DCAF10: variants seen among roughly 807,000 people sequenced by gnomAD.
The protein encoded by DCAF10 is DDB1- and CUL4-associated factor 10.
DCAF10 carries 19 observed loss-of-function variants against 51.9 expected under a neutral mutation model. The ratio of observed to expected loss-of-function variants is 0.37; its 90% CI spans 0.26 to 0.54. The LOEUF (loss-of-function observed/expected upper bound fraction) is 0.54, where lower values mean the gene tolerates loss of function less well. Among genes scored for constraint, DCAF10 ranks in the 20% least tolerant of loss-of-function variants. The pLI, the probability that DCAF10 is intolerant of heterozygous loss-of-function variation, is 0.87. For synonymous variants in DCAF10, 291 were observed against 297.1 expected, an observed-to-expected ratio of 0.98 and a Z score of 0.21; for missense variants, 510 against 730.6, an observed-to-expected ratio of 0.70 and a Z score of 3.48.
chr9:37,855,338 C>G (rs1338573893), intron 4 of DCAF10, among the ~76,000 whole-genome samples: 3 of 152,180 alleles, frequency 2.0e-5, no homozygotes, highest in African/African-American at 7.2e-5. Flanking sequence ...CTTCTGGAAT[C>G]AAGCAGAGCT....
chr9:37,836,151 C>G, intron 2 of DCAF10: 5 of 1,382,404 alleles, frequency 3.6e-6, no homozygotes, highest in Non-Finnish European at 5.2e-6. Flanking sequence ...GCGATTTACT[C>G]TTCTCATATC....
At chr9:37,850,837 T>TATATATAC (rs1830619194) in intron 3 of DCAF10, among the ~76,000 whole-genome samples, 1 of 14,112 alleles carries the variant, frequency 7.1e-5, no homozygotes, top group Non-Finnish European at 1.5e-4. Flanking sequence ...TATATATATA[T>TATATATAC]ATATATATAT....
chr9:37,841,219 G>A (rs932242946), intron 2 of DCAF10, among the ~76,000 whole-genome samples: 1 of 152,184 alleles, frequency 6.6e-6, no homozygotes, highest in African/African-American at 2.4e-5. Flanking sequence ...TTTGAAAACC[G>A]TGATCAATTT....
At chr9:37,854,124 G>GTTTTTTTTTT in intron 3 of DCAF10, among the ~76,000 whole-genome samples, 1 of 151,256 alleles carries the variant, frequency 6.6e-6, no homozygotes. Context: ...TAGAGACAGG[G>GTTTTTTTTTT]TCTGTCTGTC....
chr9:37,830,929 C>T (rs1470027849), intron 2 of DCAF10, among the ~76,000 whole-genome samples: 1 of 152,122 alleles, frequency 6.6e-6, no homozygotes, highest in African/African-American at 2.4e-5. Flanking sequence ...GTATACATAA[C>T]TTAAGAGTTT....
At chr9:37,839,159 A>G (rs2118020018) in intron 2 of DCAF10, among the ~76,000 whole-genome samples, 1 of 152,004 alleles carries the variant, frequency 6.6e-6, no homozygotes, top group South Asian at 2.1e-4. Flanking sequence ...GGTTCAAGCA[A>G]TTCTCTGCCT....
At chr9:37,823,997 C>T (rs1039688215) in intron 2 of DCAF10, among the ~76,000 whole-genome samples, 1 of 151,452 alleles carries the variant, frequency 6.6e-6, no homozygotes, top group Admixed American at 6.6e-5. Context: ...TCTTGTGCCT[C>T]AGCCTCCCGA....
intron 2 of DCAF10, among the ~76,000 whole-genome samples, chr9:37,819,995 A>G (rs1311318545): frequency 7.0e-6 from 1 of 143,732 alleles, no homozygotes; most frequent in African/African-American, 2.7e-5. Context: ...AATTATACAA[A>G]TAGATGATAC....
At chr9:37,825,827 T>C (rs940109932) in intron 2 of DCAF10, among the ~76,000 whole-genome samples, 24 of 152,072 alleles carry the variant, frequency 1.6e-4, no homozygotes, top group Non-Finnish European at 2.4e-4. Context: ...GAGACCAGCC[T>C]GGCCAACATA....
intron 5 of DCAF10, among the ~76,000 whole-genome samples, 176 bp from the exon 6 acceptor site, chr9:37,859,872 G>A (rs1303623379): frequency 2.0e-5 from 3 of 151,964 alleles, no homozygotes; most frequent in Admixed American, 1.3e-4. Flanking sequence ...CCTTCACCCC[G>A]CCAAAACTCA....
rs1828902198 is a variant in DCAF10 at position 37,800,912 on chromosome 9, G to A, written c.46G>A (p.Gly16Arg). 5.3e-6 allele frequency: 8 copies of A among 1,496,166 alleles called. No individual in the cohort carries two copies. Among genetic ancestry groups the A allele is most frequent in the Non-Finnish European group, 7.1e-6 (8 of 1,130,336 alleles). The allele number at this position is 1,496,166 out of a possible 1,614,324, so 92.7% of individuals were successfully genotyped here. A position where few individuals can be genotyped will look rare whatever the true frequency, so the allele number is the denominator to read the frequency against. The change falls in exon 1 of 7, where the codon GGA becomes AGA. Residue 16 changes from glycine to arginine, a missense_variant. Transcript: ENST00000377724. Reference sequence around the variant, plus strand: ...TAGCCCTGGAGGGGACGGATCGGCCGGAGCCGGGGCTGAGGAGCCGACGCC... The same window carrying A: ...TAGCCCTGGAGGGGACGGATCGGCCAGAGCCGGGGCTGAGGAGCCGACGCC... ...PHSPGGDGSA[G>R]AGAEEPTPHE...
intron 2 of DCAF10, among the ~76,000 whole-genome samples, chr9:37,827,983 A>G (rs1829901134): frequency 6.6e-6 from 1 of 152,000 alleles, no homozygotes; most frequent in South Asian, 2.1e-4. Flanking sequence ...ATCATAGCTC[A>G]AGGGATTTTC....
rs1831150660 is a variant in DCAF10 at position 37,867,030 on chromosome 9, A to G, written c.*5522A>G. ...TTTTGTCTCATTATAAAATAAGATT[A>G]TATGAAATTTATATTCTAGAAATGA... On this transcript the variant is annotated 3_prime_UTR_variant, in exon 7 of 7. Transcript: ENST00000377724. 6.6e-6 allele frequency: 1 copy of G among 152,222 alleles called. No individual in the cohort carries two copies. The highest frequency in any genetic ancestry group is 1.5e-5 in the Non-Finnish European group (1 of 68,040). 9.4% of individuals were successfully genotyped at this position (152,222 alleles called of 1,614,324 possible). A position where few individuals can be genotyped will look rare whatever the true frequency, so the allele number is the denominator to read the frequency against.
intron 5 of DCAF10, among the ~76,000 whole-genome samples, chr9:37,859,357 C>T (rs575399540): frequency 2.6e-5 from 4 of 152,128 alleles, no homozygotes; most frequent in East Asian, 1.9e-4. Flanking sequence ...TGGTTTTTCA[C>T]GCACCTGAAG....
intron 4 of DCAF10, 98 bp downstream of exon 4, chr9:37,855,080 A>G: frequency 8.3e-7 from 1 of 1,204,480 alleles, no homozygotes; most frequent in Non-Finnish European, 1.2e-6. Flanking sequence ...AGGAAAAGGG[A>G]AGACAGTTTT....
intron 1 of DCAF10, among the ~76,000 whole-genome samples, chr9:37,807,829 A>G (rs1829168754): frequency 6.6e-6 from 1 of 151,680 alleles, no homozygotes; most frequent in Non-Finnish European, 1.5e-5. Flanking sequence ...CGCTCGGCTA[A>G]TTTTGTATTT....
chr9:37,801,567 C>A lies in DCAF10; in HGVS notation c.539+162C>A. 1.1e-6 allele frequency: 1 copy of A among 897,664 alleles called. No individual in the cohort carries two copies. The highest frequency in any genetic ancestry group is 1.5e-6 in the Non-Finnish European group (1 of 658,670). 55.6% of individuals were successfully genotyped at this position (897,664 alleles called of 1,614,324 possible). ...TGGCACTTTCTGAAGCGCATTCTCG[C>A]CCTTGGAATCCCCAGCCCAGCTTTT... On this transcript the variant is annotated intron_variant, in intron 1 of 6. Transcript: ENST00000377724. This position sits in a 1 kb window ranked among gnomAD's most constrained non-coding sequence, Gnocchi z 5.5.
chr9:37,842,346 G>T, intron 3 of DCAF10, 60 bp downstream of exon 3: 1 of 1,498,540 alleles, frequency 6.7e-7, no homozygotes, highest in South Asian at 1.3e-5. Context: ...TAAAGATGGT[G>T]AACAAATTCA....
chr9:37,837,304 C>A (rs183424014), intron 2 of DCAF10, among the ~76,000 whole-genome samples: 3 of 151,788 alleles, frequency 2.0e-5, no homozygotes, highest in African/African-American at 7.2e-5. Flanking sequence ...ACTAAAAATA[C>A]AAAAATTAGC....
Sources: gnomAD v4.1 joint callset for allele counts (sites outside exome capture counted in the v4.1 genomes callset) on GRCh38, gnomAD v4.1.1 for gene constraint, Gnocchi (gnomAD v3.1) non-coding constraint, MANE v1.5 for transcripts, NCBI Gene and HGNC (gene_info 2026-07-23, HGNC 2026-07-21) for gene names.